The following RPL4 variants were observed in gnomAD, a reference collection of about 807,000 sequenced individuals.
RPL4 encodes ribosomal protein L4, also known as large ribosomal subunit protein uL4.
Under a neutral mutation model 47.7 loss-of-function variants are expected in RPL4, and 3 were observed. The ratio of observed to expected loss-of-function variants is 0.06; its 90% CI spans 0.03 to 0.16. RPL4 has a LOEUF of 0.16. Ranked by LOEUF, RPL4 falls within the 10% of genes least tolerant of loss-of-function variation. RPL4 has a pLI of 1.00. For synonymous variants in RPL4, 208 were observed against 182.1 expected (o/e 1.14, Z -1.15); for missense variants, 413 against 551.3 (o/e 0.75, Z 2.51).
chr15:66,502,211 T>G (rs969484936), intron 4 of RPL4: 4 of 465,186 alleles, frequency 8.6e-6, no homozygotes, highest in African/African-American at 7.9e-5. Context: ...CTGATTGATT[T>G]GTCAGATTTA....
Position 66,504,747 on chromosome 15 carries a change from C to T in RPL4, c.3+41G>A, listed in dbSNP as rs77816373. On this transcript the variant is annotated intron_variant, in intron 1 of 9. Coordinates refer to ENST00000307961, the MANE Select transcript of RPL4 (RefSeq NM_000968.4). The stretch of plus-strand genomic sequence containing the variant: ...ACCCCAAATCCTTCCTTACTGGCCC[C>T]GAGATACGGGGTAAGGCCAGCCAAG... 4,018 of 1,609,756 alleles carry T rather than the reference C, an allele frequency of 2.5e-3. 79 individuals carry two copies. In the African/African-American group the frequency reaches 0.046, roughly 19 times the overall value.
In RPL4 at chr15:66,504,820, T is replaced by G. The variant is rs375888858; in HGVS notation, c.-30A>C. 6.2e-7 allele frequency: 1 copy of G among 1,609,646 alleles called. No homozygotes were observed. The highest frequency in any genetic ancestry group is 8.5e-7 in the Non-Finnish European group (1 of 1,178,700). ...GAGAGAGGAGACAGCCACGCTCCTCTCAGCCCGGCTGCTGCCACAGGAAAA... is the reference window on the plus strand; with the variant it reads ...GAGAGAGGAGACAGCCACGCTCCTCGCAGCCCGGCTGCTGCCACAGGAAAA... On this transcript the variant is annotated 5_prime_UTR_variant, in exon 1 of 10. Transcript: ENST00000307961.
intron 7 of RPL4, 88 bp downstream of exon 7, chr15:66,500,861 G>T (rs1595895313): frequency 6.8e-7 from 1 of 1,464,456 alleles, no homozygotes; most frequent in Non-Finnish European, 9.3e-7. Context: ...AGGGGAAATG[G>T]GAATAAATTT....
chr15:66,498,876 G>C lies in RPL4; in HGVS notation c.*531C>G, dbSNP rs1429192993. 6.4e-6 allele frequency: 1 copy of C among 155,264 alleles called. No individual in the cohort carries two copies. Among genetic ancestry groups the C allele is most frequent in the Non-Finnish European group, 1.4e-5 (1 of 70,234 alleles). 9.6% of individuals were successfully genotyped at this position (155,264 alleles called of 1,614,324 possible). On this transcript the variant is annotated 3_prime_UTR_variant, in exon 10 of 10. Transcript: ENST00000307961. ...CCAAAGTGTTGGGATTACAGATGTG[G>C]GCCAGTGTGGCCTTCTGGCACTTTT...
intron 1 of RPL4, among the ~76,000 whole-genome samples, 200 bp from the exon 2 acceptor site, chr15:66,503,729 G>A (rs769927948): frequency 6.6e-6 from 1 of 151,800 alleles, no homozygotes; most frequent in East Asian, 1.9e-4. Context: ...TTTTCAAAAA[G>A]AATTGTTTAT....
At chr15:66,502,202 T>G in intron 4 of RPL4, 1 of 478,256 alleles carries the variant, frequency 2.1e-6, no homozygotes, top group Non-Finnish European at 3.8e-6. Flanking sequence ...TAGTATTCCC[T>G]GATTGATTTG....
Position 66,501,849 on chromosome 15 carries a change from T to C in RPL4, c.485A>G (p.Lys162Arg). Residue 162 changes from lysine to arginine, a missense_variant, in exon 5 of 10, where the codon AAG becomes AGG. By Grantham distance (26) the Lys-to-Arg change is conservative. Transcript: ENST00000307961. ...GAGCAAAACAGCTTCCTTGGTCTTC[T>C]TGTAGCCTTCAACTTTATCTTCAAC... Reference protein sequence around the residue: ...LVVEDKVEGYKKTKEAVLLLK... With the variant: ...LVVEDKVEGYRKTKEAVLLLK... 1 of 1,612,122 alleles carries C rather than the reference T, an allele frequency of 6.2e-7. No individual in the cohort carries two copies. Among genetic ancestry groups the C allele is most frequent in the Non-Finnish European group, 8.5e-7 (1 of 1,179,976 alleles).
At position 66,499,637 on chromosome 15, in the gene RPL4, C is replaced by T. The variant is rs753352294; in HGVS notation, c.1054G>A (p.Asp352Asn). 1.9e-6 allele frequency: 3 copies of T among 1,613,924 alleles called. No homozygotes were observed. Among genetic ancestry groups the T allele is most frequent in the Non-Finnish European group, 8.5e-7 (1 of 1,179,852 alleles). ...RQARNHKLRV[D>N]KAAAAAAALQ... ...GCCGCTGCTGCAGCAGCTGCCTTAT[C>T]CACCCGGAGCTTGTGCTGCAACAAA... Residue 352 changes from aspartate (D) to asparagine (N), a missense_variant, in exon 10 of 10, where the codon GAT (aspartate) becomes AAT (asparagine). Coordinates refer to ENST00000307961, the MANE Select transcript of RPL4 (RefSeq NM_000968.4).
chr15:66,500,339 T>C lies in RPL4; in HGVS notation c.871A>G (p.Arg291Gly), dbSNP rs978989586. 1 of 1,614,098 alleles carries C rather than the reference T, an allele frequency of 6.2e-7. No individual in the cohort carries two copies. The highest frequency in any genetic ancestry group is 1.7e-5 in the Admixed American group (1 of 60,008). Residue 291 changes from arginine (R) to glycine (G), a missense_variant, in exon 8 of 10, where the codon AGA becomes GGA. Physicochemically the swap from Arg to Gly is moderately radical, Grantham distance 125. Around this residue, in one of 4 missense-constraint regions of RPL4, gnomAD observed 214 missense variants for 304.2 expected, o/e 0.70. Transcript: ENST00000307961. The part of the protein sequence containing the change: ...MHKMINTDLS[R>G]ILKSPEIQRA... ...TGGATCTCTGGGCTTTTCAAGATTC[T>C]GCTAAGATCTGTATTAATCATCTTG...
chr15:66,503,631 C>T (rs2140718838), intron 1 of RPL4, 102 bp from the exon 2 acceptor site: 1 of 1,303,180 alleles, frequency 7.7e-7, no homozygotes, highest in East Asian at 2.5e-5. Context: ...GCAGAAGAGA[C>T]TGGTATGGTG....
intron 9 of RPL4, 200 bp downstream of exon 9, chr15:66,499,856 C>G: frequency 1.1e-6 from 1 of 909,286 alleles, no homozygotes; most frequent in Non-Finnish European, 1.6e-6. Flanking sequence ...CACCCCGTCT[C>G]TACTGAAAAT....
chr15:66,503,270 T>C, intron 2 of RPL4, 88 bp downstream of exon 2: 2 of 1,590,414 alleles, frequency 1.3e-6, no homozygotes, highest in South Asian at 2.2e-5. Context: ...GAAAATCATG[T>C]GGTTCAGAAA....
chr15:66,501,598 G>T, intron 5 of RPL4, 94 bp from the exon 6 acceptor site: 1 of 1,554,612 alleles, frequency 6.4e-7, no homozygotes, highest in South Asian at 1.2e-5. Context: ...GATTAAACTG[G>T]GCACAATAAC....
chr15:66,503,257 C>A, intron 2 of RPL4, 93 bp from the exon 3 acceptor site: 1 of 1,588,298 alleles, frequency 6.3e-7, no homozygotes, highest in Non-Finnish European at 8.6e-7. Flanking sequence ...TCAGAACATC[C>A]GAGAAAATCA....
intron 9 of RPL4, 137 bp downstream of exon 9, chr15:66,499,919 A>T: frequency 1.8e-6 from 2 of 1,140,500 alleles, no homozygotes; most frequent in Non-Finnish European, 2.4e-6. Context: ...GCTACTTGGG[A>T]GGCTGAGACA....
rs566494521 is a variant in RPL4 at position 66,501,512 on chromosome 15, G to A, written c.547-8C>T. On this transcript the variant is annotated splice_region_variant and splice_polypyrimidine_tract_variant and intron_variant, in intron 5 of 9. Coordinates refer to ENST00000307961, the MANE Select transcript of RPL4 (RefSeq NM_000968.4). ...TCGCTGAGAGGCATAGACCTACAAA[G>A]TGAGCAGTTTTAGTATTCTGATTAA... The A allele has an allele frequency of 1.2e-6, 2 of 1,614,022 alleles. No individual in the cohort carries two copies. The highest frequency in any genetic ancestry group is 1.3e-5 in the African/African-American group (1 of 75,052).
At position 66,500,295 on chromosome 15, in the gene RPL4, T is replaced by C. The variant is rs1893584358; in HGVS notation, c.915A>G (p.Pro305=). Reference sequence around the variant, plus strand: ...TTACACTCTAAGTATCACTTTACCGTGGTGCTCGAAGGGCTCTTTGGATCT... The same window carrying C: ...TTACACTCTAAGTATCACTTTACCGCGGTGCTCGAAGGGCTCTTTGGATCT... The part of the protein sequence containing the change: ...SPEIQRALRA[P]RKKIHRRVLK... The change falls in exon 8 of 10, where the codon CCA becomes CCG. Residue 305 remains proline (P), a splice_region_variant and synonymous_variant. Transcript: ENST00000307961. 1 of 1,614,052 alleles carries C rather than the reference T, an allele frequency of 6.2e-7. No individual in the cohort carries two copies. The highest frequency in any genetic ancestry group is 1.3e-5 in the African/African-American group (1 of 74,940).
At chr15:66,500,762 A>G in intron 7 of RPL4, 187 bp downstream of exon 7, 1 of 671,242 alleles carries the variant, frequency 1.5e-6, no homozygotes, top group Non-Finnish European at 2.5e-6. Context: ...AGCGTGGGTG[A>G]GACAGAACAA....
chr15:66,502,552 G>A, intron 4 of RPL4, 60 bp downstream of exon 4: 1 of 1,553,138 alleles, frequency 6.4e-7, no homozygotes, highest in East Asian at 2.3e-5. Flanking sequence ...TCACCCTAAT[G>A]ATCAAATAGT....
Sources: allele counts gnomAD v4.1 joint callset (sites outside exome capture counted in the v4.1 genomes callset), GRCh38; gene constraint gnomAD v4.1.1; regional missense constraint gnomAD v4.1.1; transcripts MANE v1.5; gene names NCBI Gene and HGNC (gene_info 2026-07-23, HGNC 2026-07-21).